Variants in CAPN9 observed in about 807,000 individuals in gnomAD.
The protein encoded by CAPN9 is calpain-9.
A neutral mutation model predicts 92.8 loss-of-function variants in CAPN9; 81 were observed. The ratio of observed to expected loss-of-function variants is 0.87; its 90% CI spans 0.73 to 1.05. The LOEUF (loss-of-function observed/expected upper bound fraction) is 1.05, where lower values mean the gene tolerates loss of function less well. Among genes scored for constraint, CAPN9 ranks in the 50% least tolerant of loss-of-function variants. The pLI is 0.00. For synonymous variants in CAPN9, 304 were observed against 328.0 expected, an observed-to-expected ratio of 0.93 and a Z score of 0.79; for missense variants, 848 against 866.2, an observed-to-expected ratio of 0.98 and a Z score of 0.26.
At position 230,798,208 on chromosome 1, in the gene CAPN9, C is replaced by G; in HGVS notation, c.2034C>G (p.Leu678=). 1 of 1,611,266 alleles carries G rather than the reference C, an allele frequency of 6.2e-7. No homozygotes were observed. Among genetic ancestry groups the G allele is most frequent in the Non-Finnish European group, 8.5e-7 (1 of 1,177,530 alleles). ...CAAAGAACAAGGAGTTCATTCATCTCAATATAAATGAGGTATGGCCAATCC... is the reference window on the plus strand; with the variant it reads ...CAAAGAACAAGGAGTTCATTCATCTGAATATAAATGAGGTATGGCCAATCC... ...LSTKNKEFIH[L]NINEFIHLTM... The change falls in exon 19 of 20, where the codon CTC becomes CTG. Residue 678 remains leucine (L), a synonymous_variant. Transcript: ENST00000271971.
intron 9 of CAPN9, 67 bp from the exon 10 acceptor site, chr1:230,780,111 TG>T: frequency 4.2e-6 from 4 of 953,196 alleles, no homozygotes; most frequent in South Asian, 3.1e-5. Context: ...TGTGTGTGTG[TG>T]TGTGTGTGTG....
intron 1 of CAPN9, among the ~76,000 whole-genome samples, chr1:230,751,590 A>G (rs1489898977): frequency 1.2e-4 from 1 of 8,352 alleles, no homozygotes; most frequent in African/African-American, 8.4e-4. Context: ...AGAAACAAAG[A>G]AAGAAAGAAA....
At chr1:230,790,910 C>T (rs1251006930) in intron 14 of CAPN9, among the ~76,000 whole-genome samples, 4 of 152,148 alleles carry the variant, frequency 2.6e-5, no homozygotes, top group Non-Finnish European at 4.4e-5. Context: ...AAGATCACAC[C>T]GTTGCACTCC....
chr1:230,769,345 C>A (rs1666228932), intron 6 of CAPN9, 82 bp downstream of exon 6: 1 of 1,013,966 alleles, frequency 9.9e-7, no homozygotes, highest in Non-Finnish European at 1.5e-6. Context: ...CAGTGCATTG[C>A]AGTTTAAATG....
At chr1:230,775,469 A>T (rs182263702) in intron 8 of CAPN9, among the ~76,000 whole-genome samples, 132 of 152,190 alleles carry the variant, frequency 8.7e-4, no homozygotes, top group Admixed American at 2.4e-3. Context: ...TCATCTCTAG[A>T]ATCTTTTTCA....
At chr1:230,763,955 A>T (rs1478086754) in intron 4 of CAPN9, among the ~76,000 whole-genome samples, 1 of 152,188 alleles carries the variant, frequency 6.6e-6, no homozygotes, top group African/African-American at 2.4e-5. Flanking sequence ...AGTGCCCCCC[A>T]CATCAGGATG....
intron 5 of CAPN9, 55 bp downstream of exon 5, chr1:230,767,764 TTCCAG>T: frequency 1.3e-6 from 2 of 1,525,686 alleles, no homozygotes; most frequent in Non-Finnish European, 1.8e-6. Flanking sequence ...GCATAGTGCA[TTCCAG>T]GCACTATGCT....
chr1:230,764,218 G>A (rs1572030450), intron 4 of CAPN9, among the ~76,000 whole-genome samples: 1 of 152,332 alleles, frequency 6.6e-6, no homozygotes, highest in South Asian at 2.1e-4. Flanking sequence ...AGTAGACTGA[G>A]TAAAGAGGAT....
At chr1:230,761,361 C>A (rs949190953) in intron 3 of CAPN9, among the ~76,000 whole-genome samples, 1 of 152,132 alleles carries the variant, frequency 6.6e-6, no homozygotes, top group Non-Finnish European at 1.5e-5. Context: ...CCTGAGCCAG[C>A]CCCTCTGCAA....
At chr1:230,760,042 A>C (rs991871471) in intron 3 of CAPN9, among the ~76,000 whole-genome samples, 5 of 152,304 alleles carry the variant, frequency 3.3e-5, no homozygotes, top group African/African-American at 1.2e-4. Flanking sequence ...GAGGGATTTT[A>C]AAAAATAAAA....
chr1:230,795,118 G>A, intron 17 of CAPN9, 45 bp from the exon 18 acceptor site: 1 of 1,264,160 alleles, frequency 7.9e-7, no homozygotes, highest in Non-Finnish European at 1.2e-6. Flanking sequence ...CTCACCTCGG[G>A]GCTCGGATAC....
intron 5 of CAPN9, among the ~76,000 whole-genome samples, chr1:230,768,040 AT>A (rs869256145): frequency 2.5e-5 from 3 of 121,394 alleles, no homozygotes; most frequent in African/African-American, 8.2e-5. Flanking sequence ...AAATAAATAA[AT>A]AAATAAATAA....
intron 19 of CAPN9, 44 bp from the exon 20 acceptor site, chr1:230,801,526 C>T: frequency 6.2e-7 from 1 of 1,603,206 alleles, no homozygotes; most frequent in Non-Finnish European, 8.5e-7. Flanking sequence ...CTGGAAGGGA[C>T]ATGGAAGGAC....
intron 15 of CAPN9, 55 bp from the exon 16 acceptor site, chr1:230,792,371 C>G (rs1368939881): frequency 8.0e-6 from 12 of 1,491,870 alleles, no homozygotes; most frequent in Non-Finnish European, 1.1e-5. Context: ...TGAGGTCCCA[C>G]GAGGAGCCTC....
chr1:230,801,865 C>G lies in CAPN9; in HGVS notation c.*269C>G, dbSNP rs573470850. On this transcript the variant is annotated 3_prime_UTR_variant, in exon 20 of 20. Coordinates refer to ENST00000271971, the MANE Select transcript of CAPN9 (RefSeq NM_006615.3). ...CAGGTTCAGGCATCACTAGCTTTCC[C>G]ACACTCTACTTTCCTTATTTCCTTC... 1.6e-3 allele frequency: 850 copies of G among 522,978 alleles called. 4 individuals are homozygous for G. Among genetic ancestry groups the G allele is most frequent in the Non-Finnish European group, 2.6e-3 (761 of 293,374 alleles). 32.4% of individuals were successfully genotyped at this position (522,978 alleles called of 1,614,324 possible). A position where few individuals can be genotyped will look rare whatever the true frequency, so the allele number is the denominator to read the frequency against.
intron 12 of CAPN9, 93 bp downstream of exon 12, chr1:230,786,110 T>C (rs1667564779): frequency 1.2e-6 from 2 of 1,606,032 alleles, no homozygotes; most frequent in Non-Finnish European, 1.7e-6. Context: ...AACTCTGCAG[T>C]TCAGGGATGG....
At chr1:230,792,379 C>T in intron 15 of CAPN9, 47 bp from the exon 16 acceptor site, 1 of 1,543,944 alleles carries the variant, frequency 6.5e-7, no homozygotes, top group Non-Finnish European at 9.0e-7. Flanking sequence ...CACGAGGAGC[C>T]TCAGGTTGAA....
In CAPN9 at chr1:230,759,629, A is replaced by G. The variant is rs1382638556; in HGVS notation, c.401A>G (p.Gln134Arg). 6.3e-7 allele frequency: 1 copy of G among 1,598,794 alleles called. No individual in the cohort carries two copies. The highest frequency in any genetic ancestry group is 8.5e-7 in the Non-Finnish European group (1 of 1,172,926). Residue 134 changes from glutamine (Q) to arginine (R), a missense_variant and splice_region_variant, in exon 3 of 20, where the codon CAG (glutamine) becomes CGG (arginine). Transcript: ENST00000271971. ...GGTTATGCCGGGATATTCCATTTCC[A>G]GGTAAGAGGGAGCCCTGGGCCAGTG... ...GPGYAGIFHFQFWQHSEWLDV... is the reference protein window; with the variant it reads ...GPGYAGIFHFRFWQHSEWLDV...
At chr1:230,759,223 G>A (rs904372958) in intron 2 of CAPN9, among the ~76,000 whole-genome samples, 2 of 152,188 alleles carry the variant, frequency 1.3e-5, no homozygotes, top group Admixed American at 6.5e-5. Flanking sequence ...GGAGTTGCTG[G>A]AATTCACAGA....
Sources: gnomAD v4.1 joint callset for allele counts (sites outside exome capture counted in the v4.1 genomes callset) on GRCh38, gnomAD v4.1.1 for gene constraint, MANE v1.5 for transcripts, NCBI Gene and HGNC (gene_info 2026-07-23, HGNC 2026-07-21) for gene names.